Variants in NCKAP5 observed in about 807,000 individuals in gnomAD.
NCKAP5 encodes the protein NCK associated protein 5.
NCKAP5 carries 92 observed loss-of-function variants against 167.0 expected under a neutral mutation model. The ratio of observed to expected loss-of-function variants is 0.55; its 90% CI spans 0.47 to 0.66. The LOEUF (loss-of-function observed/expected upper bound fraction) is 0.66. Among genes scored for constraint, NCKAP5 ranks in the 30% least tolerant of loss-of-function variants. The pLI is 0.00. For missense variants in NCKAP5, 2,378 were observed against 2,315.0 expected, an observed-to-expected ratio of 1.03 and a Z score of -0.56; for synonymous variants, 891 against 877.4, an observed-to-expected ratio of 1.02 and a Z score of -0.27.
rs188194499 is a variant in NCKAP5 at position 132,692,224 on chromosome 2, C to G, written c.5714-18919G>C. ...GTGGCGCAATCTTGGCTCACTGCAA[C>G]CTCCACCTCCCAGGCTCAAATGATT... On this transcript the variant is annotated intron_variant, in intron 19 of 19. Transcript: ENST00000409261. Among the ~76,000 whole-genome samples the G allele has an allele frequency of 7.3e-3, 1,115 of 151,884 alleles. 7 individuals carry two copies. Among genetic ancestry groups the G allele is most frequent in the Non-Finnish European group, 0.013 (861 of 67,974 alleles).
chr2:133,079,490 A>T (rs1191518774), intron 6 of NCKAP5, among the ~76,000 whole-genome samples: 1 of 152,144 alleles, frequency 6.6e-6, no homozygotes, highest in Non-Finnish European at 1.5e-5. Context: ...TTGGAAGAAG[A>T]TTTTCTATTT....
At chr2:133,643,491 C>A in the NCKAP5 span, among the ~76,000 whole-genome samples, 1 of 152,138 alleles carries the variant, frequency 6.6e-6, no homozygotes, top group Non-Finnish European at 1.5e-5. Flanking sequence ...CTCCTTCTAG[C>A]CCCTTCATCT....
intron 7 of NCKAP5, among the ~76,000 whole-genome samples, chr2:132,988,460 C>CA (rs57024269): frequency 0.079 from 5,520 of 69,850 alleles, 273 homozygotes; most frequent in African/African-American, 0.15. Context: ...GACTTTGCCT[C>CA]AAAAAAAAAA....
chr2:133,136,759 A>G (rs1037374975), intron 5 of NCKAP5, among the ~76,000 whole-genome samples: 23 of 152,228 alleles, frequency 1.5e-4, no homozygotes, highest in Non-Finnish European at 4.4e-5. Flanking sequence ...ATATTGATAG[A>G]AAAACACATG....
chr2:132,995,438 G>A (rs2077566640), intron 6 of NCKAP5, among the ~76,000 whole-genome samples: 1 of 151,806 alleles, frequency 6.6e-6, no homozygotes, highest in Admixed American at 6.6e-5. Flanking sequence ...GTCACCTGAG[G>A]TCAGGAGTTT....
At chr2:133,154,549 T>A (rs1337878766) in intron 5 of NCKAP5, among the ~76,000 whole-genome samples, 1 of 152,222 alleles carries the variant, frequency 6.6e-6, no homozygotes, top group Non-Finnish European at 1.5e-5. Flanking sequence ...GGCTTAGGTA[T>A]TTGACATGCT....
chr2:133,482,296 C>A (rs1680525500), intron 3 of NCKAP5, among the ~76,000 whole-genome samples: 1 of 151,748 alleles, frequency 6.6e-6, no homozygotes, highest in African/African-American at 2.4e-5. Flanking sequence ...CGGCTCACTG[C>A]AACCTCCACC....
At chr2:133,624,853 T>G in the NCKAP5 span, among the ~76,000 whole-genome samples, 4 of 152,202 alleles carry the variant, frequency 2.6e-5, no homozygotes, top group African/African-American at 9.6e-5. Flanking sequence ...GTTCCAACTA[T>G]GAGATACAGC....
chr2:132,831,653 CCTCT>C (rs1687530185), intron 11 of NCKAP5, among the ~76,000 whole-genome samples: 1 of 151,516 alleles, frequency 6.6e-6, no homozygotes, highest in African/African-American at 2.4e-5. Context: ...GGAATTTTTC[CCTCT>C]CTGTTTCTTG....
chr2:133,105,108 A>T (rs2081639134), intron 6 of NCKAP5, among the ~76,000 whole-genome samples: 1 of 152,156 alleles, frequency 6.6e-6, no homozygotes, highest in Non-Finnish European at 1.5e-5. Flanking sequence ...ATCCTTTTGT[A>T]TCTTTTACTT....
At position 132,683,233 on chromosome 2, in the gene NCKAP5, A is replaced by G. The variant is rs559172705; in HGVS notation, c.5714-9928T>C. Among the ~76,000 whole-genome samples, 4 of 150,938 alleles carry G rather than the reference A, an allele frequency of 2.7e-5. No individual in the cohort carries two copies. In the South Asian group the frequency reaches 8.4e-4, roughly 32 times the overall value. ...CTATCCGTTCTGACATCCCGAAAGG[A>G]CCAGAGGGAGAGGGTACTGCTTGAA... On this transcript the variant is annotated intron_variant, in intron 19 of 19. Coordinates refer to ENST00000409261, the MANE Select transcript of NCKAP5 (RefSeq NM_207363.3).
chr2:132,928,988 A>G lies in NCKAP5; in HGVS notation c.579+34732T>C, dbSNP rs150024926. ...ACAAAACAAAACAAAACAAAACAAA[A>G]CAAAACAAAACAAAATTAGCTGCAC... On this transcript the variant is annotated intron_variant, in intron 8 of 19. Transcript: ENST00000409261. Among the ~76,000 whole-genome samples, 1,307 of 151,846 alleles carry G rather than the reference A, an allele frequency of 8.6e-3. 24 individuals are homozygous for G. The highest frequency in any genetic ancestry group is 0.046 in the Admixed American group (708 of 15,240).
intron 2 of NCKAP5, among the ~76,000 whole-genome samples, chr2:133,547,235 G>C (rs966740848): frequency 1.1e-4 from 17 of 152,252 alleles, no homozygotes; most frequent in African/African-American, 3.4e-4. Flanking sequence ...CTACGCCCAC[G>C]GAGTCTCGCT....
intron 11 of NCKAP5, among the ~76,000 whole-genome samples, chr2:132,848,693 C>T (rs1432505444): frequency 6.6e-6 from 1 of 152,122 alleles, no homozygotes; most frequent in Non-Finnish European, 1.5e-5. Context: ...GCGTGGTGTG[C>T]ATGTCTGTAG....
At chr2:133,423,985 T>C (rs1689638084) in intron 3 of NCKAP5, among the ~76,000 whole-genome samples, 2 of 152,176 alleles carry the variant, frequency 1.3e-5, no homozygotes. Context: ...ATAATATTCA[T>C]CCAAGTTAGA....
intron 8 of NCKAP5, among the ~76,000 whole-genome samples, chr2:132,916,001 G>A (rs1394164989): frequency 1.3e-5 from 2 of 152,042 alleles, no homozygotes; most frequent in South Asian, 2.1e-4. Context: ...CTCAATAAAT[G>A]TGTATACTTT....
intron 4 of NCKAP5, among the ~76,000 whole-genome samples, chr2:133,247,426 A>G (rs1299447094): frequency 6.6e-6 from 1 of 152,220 alleles, no homozygotes; most frequent in Non-Finnish European, 1.5e-5. Flanking sequence ...AAAATCACAT[A>G]AGAATTTCCA....
At chr2:133,063,712 T>C (rs766945904) in intron 6 of NCKAP5, among the ~76,000 whole-genome samples, 1 of 152,230 alleles carries the variant, frequency 6.6e-6, no homozygotes, top group Non-Finnish European at 1.5e-5. Context: ...GCAGCTTAAC[T>C]TTCTCTCTAG....
chr2:133,168,248 A>C (rs898785715), intron 5 of NCKAP5, among the ~76,000 whole-genome samples: 1 of 151,108 alleles, frequency 6.6e-6, no homozygotes, highest in Admixed American at 6.6e-5. Flanking sequence ...ACAATTTCAC[A>C]TACTTTCTAA....
Sources: allele counts gnomAD v4.1 joint callset (sites outside exome capture counted in the v4.1 genomes callset), GRCh38; gene constraint gnomAD v4.1.1; transcripts MANE v1.5; gene names NCBI Gene and HGNC (gene_info 2026-07-23, HGNC 2026-07-21).